Variants in INSL6 observed in about 807,000 individuals in gnomAD.
The protein encoded by INSL6 is insulin-like peptide INSL6.
A neutral mutation model predicts 9.4 loss-of-function variants in INSL6; 16 were observed. The ratio of observed to expected loss-of-function variants is 1.70; its 90% confidence interval spans 1.15 to 2.59. INSL6 has a LOEUF of 2.59. Ranked by LOEUF, INSL6 falls within the 30% of genes most tolerant of loss-of-function variation. The probability of loss-of-function intolerance (pLI) is 0.00; values close to 1 mark genes in which losing one functional copy is unlikely to be tolerated. For missense variants in INSL6, 391 were observed against 257.3 expected (o/e 1.52, Z -3.56); for synonymous variants, 154 against 96.9 (o/e 1.59, Z -3.46).
chr9:5,081,759 A>C, the INSL6 span: 1 of 1,601,076 alleles, frequency 6.2e-7, no homozygotes, highest in Non-Finnish European at 8.6e-7. Context: ...ACATGTTACC[A>C]AATATGAGGA....
the INSL6 span, chr9:5,050,860 T>C: frequency 5.1e-6 from 8 of 1,562,290 alleles, no homozygotes; most frequent in Admixed American, 1.0e-4. Context: ...TCCTTACACA[T>C]AAGTGTGAGT....
intron 2 of INSL6, among the ~76,000 whole-genome samples, chr9:5,154,028 A>T (rs1447209388): frequency 1.3e-5 from 2 of 152,202 alleles, no homozygotes; most frequent in Non-Finnish European, 2.9e-5. Context: ...AATCCTATGC[A>T]CAAAGAACAA....
chr9:5,065,900 C>T, the INSL6 span, among the ~76,000 whole-genome samples: 2 of 152,104 alleles, frequency 1.3e-5, no homozygotes, highest in African/African-American at 4.8e-5. Context: ...TTAGTCTATG[C>T]TTAATATTTA....
At chr9:5,070,337 C>T in the INSL6 span, among the ~76,000 whole-genome samples, 1 of 151,994 alleles carries the variant, frequency 6.6e-6, no homozygotes, top group Admixed American at 6.6e-5. Flanking sequence ...ACCTATATCG[C>T]AACTCCCAAG....
chr9:5,038,596 ATT>A, the INSL6 span, among the ~76,000 whole-genome samples: 36,025 of 146,416 alleles, frequency 0.25, 4,390 homozygotes, highest in South Asian at 0.3. Flanking sequence ...TGGATTTTAG[ATT>A]TTTTTTTTTT....
At chr9:5,114,504 G>C in the INSL6 span, 8 of 470,616 alleles carry the variant, frequency 1.7e-5, no homozygotes, top group African/African-American at 9.9e-5. Context: ...ACAGGTCTAC[G>C]TGTTTGCAAC....
the INSL6 span, chr9:5,041,570 G>A: frequency 1.9e-6 from 1 of 515,768 alleles, no homozygotes; most frequent in South Asian, 1.5e-5. Flanking sequence ...CTACGTACCT[G>A]CACTACGTGC....
the INSL6 span, among the ~76,000 whole-genome samples, chr9:5,038,959 C>T: frequency 4.4e-4 from 67 of 152,122 alleles, no homozygotes; most frequent in African/African-American, 1.5e-3. Context: ...TCCAGCATCC[C>T]ATCATTATAA....
chr9:5,039,970 T>C, the INSL6 span, among the ~76,000 whole-genome samples: 2 of 152,122 alleles, frequency 1.3e-5, no homozygotes, highest in African/African-American at 4.8e-5. Flanking sequence ...AATCATAAAT[T>C]TATATAAAAA....
the INSL6 span, among the ~76,000 whole-genome samples, chr9:5,089,497 C>T: frequency 3.7e-5 from 5 of 135,850 alleles, no homozygotes; most frequent in African/African-American, 1.4e-4. Context: ...GAGATCGTGC[C>T]ACTGCACTCC....
the INSL6 span, among the ~76,000 whole-genome samples, chr9:5,031,926 G>A: frequency 1.3e-5 from 2 of 152,208 alleles, no homozygotes. Flanking sequence ...GACAGTGGGT[G>A]CAGCACACTG....
chr9:5,035,296 C>T, the INSL6 span, among the ~76,000 whole-genome samples: 1 of 152,146 alleles, frequency 6.6e-6, no homozygotes, highest in Non-Finnish European at 1.5e-5. Context: ...CTGAATTCTA[C>T]CAGAGGTGCA....
At chr9:5,110,096 T>C in the INSL6 span, 1 of 152,084 alleles carries the variant, frequency 6.6e-6, no homozygotes, top group African/African-American at 2.4e-5. Context: ...CTAATCCCCT[T>C]CCATTAATTC....
In INSL6 at chr9:5,163,912, G is replaced by A; in HGVS notation, c.*1C>T. ...TTAGGTTAGAAAAAATTCTAAGATG[G>A]TTAGTATATCTTAGTTACAAGTGAT... On this transcript the variant is annotated 3_prime_UTR_variant, in exon 2 of 2. Transcript: ENST00000381641. The A allele has an allele frequency of 1.9e-6, 3 of 1,555,978 alleles. No homozygotes were observed. The highest frequency in any genetic ancestry group is 8.8e-7 in the Non-Finnish European group (1 of 1,137,656).
At chr9:5,094,636 C>T in the INSL6 span, 1 of 152,260 alleles carries the variant, frequency 6.6e-6, no homozygotes, top group South Asian at 2.1e-4. Context: ...TTTATTTCCA[C>T]ACTAGCAAAA....
chr9:5,169,482 C>T (rs1825132058), intron 1 of INSL6, among the ~76,000 whole-genome samples: 1 of 152,132 alleles, frequency 6.6e-6, no homozygotes, highest in African/African-American at 2.4e-5. Flanking sequence ...TGCAAAATAA[C>T]CAGCCAGCAT....
the INSL6 span, chr9:5,070,117 T>C: frequency 8.6e-7 from 1 of 1,159,576 alleles, no homozygotes; most frequent in Non-Finnish European, 1.2e-6. Context: ...TTTTCTTGAT[T>C]TACATTCATG....
chr9:5,104,240 C>A, the INSL6 span, among the ~76,000 whole-genome samples: 2 of 152,028 alleles, frequency 1.3e-5, no homozygotes, highest in Non-Finnish European at 2.9e-5. Context: ...ATATCACCAC[C>A]GATCCCACAG....
chr9:5,118,997 T>A (rs904634695), downstream of INSL6, among the ~76,000 whole-genome samples: 1 of 152,204 alleles, frequency 6.6e-6, no homozygotes, highest in Non-Finnish European at 1.5e-5. Flanking sequence ...TGGATGTACC[T>A]TGTTTAAACT....
Sources: gnomAD v4.1 joint callset for allele counts (sites outside exome capture counted in the v4.1 genomes callset) on GRCh38, gnomAD v4.1.1 for gene constraint, MANE v1.5 for transcripts, NCBI Gene and HGNC (gene_info 2026-07-23, HGNC 2026-07-21) for gene names.